The following EEF1AKMT2 variants were observed in gnomAD, a reference collection of about 807,000 sequenced individuals.
EEF1AKMT2 encodes the protein EEF1A lysine methyltransferase 2, also known as eukaryotic translation elongation factor 1 alpha lysine methyltransferase 2.
A neutral mutation model predicts 35.8 loss-of-function variants in EEF1AKMT2; 32 were observed. The observed-to-expected ratio is 0.89, with a 90% CI of 0.67 to 1.20. The LOEUF is 1.20. EEF1AKMT2 is among the 50% of genes most tolerant of loss of function. The pLI, the probability that EEF1AKMT2 is intolerant of heterozygous loss-of-function variation, is 0.00. For missense variants in EEF1AKMT2, 330 were observed against 347.5 expected (o/e 0.95, Z 0.40); for synonymous variants, 121 against 133.7 (o/e 0.91, Z 0.65).
intron 5 of EEF1AKMT2, among the ~76,000 whole-genome samples, chr10:124,764,923 G>C (rs1256609286): frequency 6.6e-6 from 1 of 152,008 alleles, no homozygotes; most frequent in Non-Finnish European, 1.5e-5. Flanking sequence ...TTTTTGTTTA[G>C]ATGTGTCTCA....
At chr10:124,788,329 T>C (rs990138039) in intron 3 of EEF1AKMT2, among the ~76,000 whole-genome samples, 40 of 152,122 alleles carry the variant, frequency 2.6e-4, no homozygotes, top group African/African-American at 9.4e-4. Flanking sequence ...ACTGCATGCA[T>C]CAAGTGATGG....
chr10:124,760,189 C>G lies in EEF1AKMT2; in HGVS notation c.*314G>C, dbSNP rs1950318559. The stretch of plus-strand genomic sequence containing the variant: ...ATCGAAAAGAAAACTATTTACATTT[C>G]AAATACAAAAGAAAATTAAAATTAT... On this transcript the variant is annotated 3_prime_UTR_variant, in exon 7 of 7. Transcript: ENST00000368836. 2.4e-6 allele frequency: 1 copy of G among 410,926 alleles called. No homozygotes were observed. The highest frequency in any genetic ancestry group is 4.3e-6 in the Non-Finnish European group (1 of 232,426). The allele number at this position is 410,926 out of a possible 1,614,324, so 25.5% of individuals were successfully genotyped here. A position where few individuals can be genotyped will look rare whatever the true frequency, so the allele number is the denominator to read the frequency against.
intron 1 of EEF1AKMT2, 115 bp downstream of exon 1, chr10:124,791,609 C>T: frequency 3.4e-6 from 5 of 1,452,276 alleles, no homozygotes; most frequent in Non-Finnish European, 4.6e-6. Context: ...CTGCTCCCGT[C>T]ACGCCCCCGA....
intron 4 of EEF1AKMT2, among the ~76,000 whole-genome samples, chr10:124,773,557 A>G (rs1950457966): frequency 6.6e-6 from 1 of 152,148 alleles, no homozygotes; most frequent in South Asian, 2.1e-4. Flanking sequence ...TAATTGGCCT[A>G]ATTTCAATAT....
Position 124,760,368 on chromosome 10 carries a change from T to C in EEF1AKMT2, c.*135A>G, listed in dbSNP as rs1360145829. 2.6e-5 allele frequency: 36 copies of C among 1,395,746 alleles called. No individual in the cohort carries two copies. Among genetic ancestry groups the C allele is most frequent in the Non-Finnish European group, 3.6e-5 (36 of 988,052 alleles). The allele number at this position is 1,395,746 out of a possible 1,614,324, so 86.5% of individuals were successfully genotyped here. A position where few individuals can be genotyped will look rare whatever the true frequency, so the allele number is the denominator to read the frequency against. On this transcript the variant is annotated 3_prime_UTR_variant, in exon 7 of 7. Transcript: ENST00000368836. ...TCTGTGTCAGGTTAACTTTGCTGTGTAGATTCTGTGTAGCTACCTGAATTC... is the reference window on the plus strand; with the variant it reads ...TCTGTGTCAGGTTAACTTTGCTGTGCAGATTCTGTGTAGCTACCTGAATTC...
At position 124,762,319 on chromosome 10, in the gene EEF1AKMT2, T is replaced by C; in HGVS notation, c.856A>G (p.Arg286Gly). 1 of 1,114,048 alleles carries C rather than the reference T, an allele frequency of 9.0e-7. No homozygotes were observed. The highest frequency in any genetic ancestry group is 1.1e-6 in the Non-Finnish European group (1 of 881,388). The allele number at this position is 1,114,048 out of a possible 1,614,324, so 69.0% of individuals were successfully genotyped here. A position where few individuals can be genotyped will look rare whatever the true frequency, so the allele number is the denominator to read the frequency against. Residue 286 changes from arginine (R) to glycine (G), a missense_variant, in exon 6 of 7, where the codon AGG becomes GGG. Coordinates refer to ENST00000368836, the MANE Select transcript of EEF1AKMT2 (RefSeq NM_212554.4). The stretch of plus-strand genomic sequence containing the variant: ...ACTTACTAAAATGCCAACGAGGGCC[T>C]GGCATGGTATAATCCCAGCACTTTG... ...PPKVLGLYHARPSLAF is the reference protein window; with the variant it reads ...PPKVLGLYHAGPSLAF
chr10:124,777,097 C>T (rs1361047211), intron 3 of EEF1AKMT2, among the ~76,000 whole-genome samples: 1 of 151,592 alleles, frequency 6.6e-6, no homozygotes, highest in Non-Finnish European at 1.5e-5. Flanking sequence ...CTGGCCAACA[C>T]GGTGAAACCC....
At chr10:124,784,756 C>T (rs773969993) in intron 3 of EEF1AKMT2, among the ~76,000 whole-genome samples, 1 of 151,960 alleles carries the variant, frequency 6.6e-6, no homozygotes, top group Non-Finnish European at 1.5e-5. Context: ...CATGGTGAAA[C>T]GCTGTCTCTA....
At chr10:124,780,609 T>A (rs1264205867) in intron 3 of EEF1AKMT2, among the ~76,000 whole-genome samples, 1 of 151,750 alleles carries the variant, frequency 6.6e-6, no homozygotes, top group African/African-American at 2.4e-5. Flanking sequence ...CGGGGACCTG[T>A]GGAGCAACAG....
At chr10:124,778,653 A>T (rs1404761641) in intron 3 of EEF1AKMT2, among the ~76,000 whole-genome samples, 1 of 151,466 alleles carries the variant, frequency 6.6e-6, no homozygotes, top group Non-Finnish European at 1.5e-5. Flanking sequence ...GAACCCCGGA[A>T]GCAGAGGTTG....
At chr10:124,782,514 G>A (rs866604824) in intron 3 of EEF1AKMT2, among the ~76,000 whole-genome samples, 2 of 150,500 alleles carry the variant, frequency 1.3e-5, no homozygotes, top group East Asian at 1.9e-4. Flanking sequence ...CCTGGGAGGC[G>A]GAGCTTGCAG....
intron 1 of EEF1AKMT2, among the ~76,000 whole-genome samples, 178 bp from the exon 2 acceptor site, chr10:124,790,516 A>G (rs1256883658): frequency 2.0e-5 from 3 of 152,100 alleles, no homozygotes; most frequent in Admixed American, 6.6e-5. Context: ...AAGGAAATAC[A>G]TGGGCAAGCA....
Position 124,789,042 on chromosome 10 carries a change from C to T in EEF1AKMT2, c.291+1G>A. On this transcript the variant is annotated splice_donor_variant, in intron 3 of 6. Coordinates refer to ENST00000368836, the MANE Select transcript of EEF1AKMT2 (RefSeq NM_212554.4). LOFTEE classifies it high-confidence loss of function. ...AACAAACAAATACTAAAAGTACCAA[C>T]AAGTTCAACCAGGAAAACACCATTT... is the stretch of plus-strand genomic sequence containing the variant. 3 of 1,605,122 alleles carry T rather than the reference C, an allele frequency of 1.9e-6. No individual in the cohort carries two copies. Among genetic ancestry groups the T allele is most frequent in the Non-Finnish European group, 2.6e-6 (3 of 1,175,948 alleles).
intron 4 of EEF1AKMT2, among the ~76,000 whole-genome samples, chr10:124,773,171 G>A (rs953242882): frequency 1.3e-5 from 2 of 152,108 alleles, no homozygotes; most frequent in African/African-American, 4.8e-5. Context: ...CTGTGTTGAG[G>A]TGGGGGTTGT....
At chr10:124,776,393 G>T (rs761036328) in intron 3 of EEF1AKMT2, among the ~76,000 whole-genome samples, 2 of 152,106 alleles carry the variant, frequency 1.3e-5, no homozygotes, top group Non-Finnish European at 2.9e-5. Flanking sequence ...CCCGACAGGA[G>T]ACCCAAATAA....
chr10:124,767,295 T>G (rs1389557689), intron 4 of EEF1AKMT2, among the ~76,000 whole-genome samples: 1 of 146,964 alleles, frequency 6.8e-6, no homozygotes, highest in Non-Finnish European at 1.5e-5. Flanking sequence ...AGACGGATCA[T>G]GAGGTCAGGA....
At chr10:124,768,554 G>A (rs1950400799) in intron 4 of EEF1AKMT2, among the ~76,000 whole-genome samples, 1 of 152,150 alleles carries the variant, frequency 6.6e-6, no homozygotes, top group Non-Finnish European at 1.5e-5. Context: ...AGGCCAGCCT[G>A]AGCGACGTGC....
At chr10:124,784,345 T>TA (rs969417068) in intron 3 of EEF1AKMT2, among the ~76,000 whole-genome samples, 3 of 151,700 alleles carry the variant, frequency 2.0e-5, no homozygotes, top group Non-Finnish European at 1.5e-5. Flanking sequence ...ACTCGTGGAT[T>TA]AAAAAAAATT....
Position 124,791,728 on chromosome 10 carries a change from C to T in EEF1AKMT2, c.106G>A (p.Glu36Lys). Residue 36 changes from glutamate (E) to lysine (K), a missense_variant, in exon 1 of 7, where the codon GAG becomes AAG. Physicochemically the swap from Glu to Lys is moderately conservative, Grantham distance 56 (BLOSUM62 1). Transcript: ENST00000368836. ...CCTGCCCAGCGTCACACTCACTGCTCGCGGGTCCCCAGCGCCGACGGGACG... is the reference window on the plus strand; with the variant it reads ...CCTGCCCAGCGTCACACTCACTGCTTGCGGGTCCCCAGCGCCGACGGGACG... The part of the protein sequence containing the change: ...GFVPSALGTR[E>K]HWDAVYEREL... The T allele has an allele frequency of 1.9e-6, 3 of 1,583,802 alleles. No individual in the cohort carries two copies. The highest frequency in any genetic ancestry group is 1.7e-6 in the Non-Finnish European group (2 of 1,169,498).
Sources: allele counts gnomAD v4.1 joint callset (sites outside exome capture counted in the v4.1 genomes callset), GRCh38; gene constraint gnomAD v4.1.1; transcripts MANE v1.5; gene names NCBI Gene and HGNC (gene_info 2026-07-23, HGNC 2026-07-21).